Variants in HMGXB3 observed in about 807,000 individuals in gnomAD.
HMGXB3 encodes HMG domain-containing protein 3.
A neutral mutation model predicts 121.5 loss-of-function variants in HMGXB3; 45 were observed. The ratio of observed to expected loss-of-function variants is 0.37; its 90% CI spans 0.29 to 0.47. The LOEUF (loss-of-function observed/expected upper bound fraction) is 0.47. Among genes scored for constraint, HMGXB3 ranks in the 20% least tolerant of loss-of-function variants. The probability of loss-of-function intolerance (pLI) is 0.99; values close to 1 mark genes in which losing one functional copy is unlikely to be tolerated. For missense variants in HMGXB3, 1,376 were observed against 1,602.2 expected, an observed-to-expected ratio of 0.86 and a Z score of 2.41; for synonymous variants, 590 against 624.1, an observed-to-expected ratio of 0.95 and a Z score of 0.81.
At position 150,052,220 on chromosome 5, in the gene HMGXB3, A is replaced by G. The variant is rs1244518373; in HGVS notation, c.*28A>G. 4.7e-6 allele frequency: 7 copies of G among 1,486,586 alleles called. No homozygotes were observed. Among genetic ancestry groups the G allele is most frequent in the Middle Eastern group, 2.1e-4 (1 of 4,742 alleles). 92.1% of individuals were successfully genotyped at this position (1,486,586 alleles called of 1,614,324 possible). A position where few individuals can be genotyped will look rare whatever the true frequency, so the allele number is the denominator to read the frequency against. On this transcript the variant is annotated 3_prime_UTR_variant, in exon 20 of 20. Coordinates refer to ENST00000502717, the MANE Select transcript of HMGXB3 (RefSeq NM_014983.3). Reference sequence around the variant, plus strand: ...CAGGCTGTTGTACAGGGACTACACCATCTCTCAAGCCATAGTAAGGCCCTT... The same window carrying G: ...CAGGCTGTTGTACAGGGACTACACCGTCTCTCAAGCCATAGTAAGGCCCTT...
Position 150,048,702 on chromosome 5 carries a change from G to C in HMGXB3, c.3201+17G>C, listed in dbSNP as rs1231125482. ...CCCCATCAGGTAAGAAAATAACTAG[G>C]GGGAGCTTGGAGTGAATTTGCTAAT... On this transcript the variant is annotated intron_variant, in intron 18 of 19. Transcript: ENST00000502717. 1 of 1,488,690 alleles carries C rather than the reference G, an allele frequency of 6.7e-7. No homozygotes were observed. Among genetic ancestry groups the C allele is most frequent in the Non-Finnish European group, 9.2e-7 (1 of 1,089,664 alleles). The allele number at this position is 1,488,690 out of a possible 1,614,324, so 92.2% of individuals were successfully genotyped here. A position where few individuals can be genotyped will look rare whatever the true frequency, so the allele number is the denominator to read the frequency against.
In HMGXB3 at chr5:150,052,357, G is replaced by C; in HGVS notation, c.*165G>C. 1.6e-6 allele frequency: 1 copy of C among 629,220 alleles called. No homozygotes were observed. The highest frequency in any genetic ancestry group is 2.8e-5 in the East Asian group (1 of 36,356). The allele number at this position is 629,220 out of a possible 1,614,324, so 39.0% of individuals were successfully genotyped here. A position where few individuals can be genotyped will look rare whatever the true frequency, so the allele number is the denominator to read the frequency against. On this transcript the variant is annotated 3_prime_UTR_variant, in exon 20 of 20. Coordinates refer to ENST00000502717, the MANE Select transcript of HMGXB3 (RefSeq NM_014983.3). The stretch of plus-strand genomic sequence containing the variant: ...CATTCCCTGAGCATGGTGGGACCCA[G>C]GGTCCTCAGTTCTCAACCCTCCAGG...
intron 1 of HMGXB3, 87 bp from the exon 2 acceptor site, chr5:150,004,764 C>A: frequency 3.5e-6 from 3 of 865,156 alleles, no homozygotes; most frequent in Non-Finnish European, 5.3e-6. Flanking sequence ...AAGGCACTGG[C>A]AGAGGTAAGG....
At chr5:150,023,999 G>A in intron 6 of HMGXB3, among the ~76,000 whole-genome samples, 1 of 152,300 alleles carries the variant, frequency 6.6e-6, no homozygotes, top group South Asian at 2.1e-4. Flanking sequence ...GATGAAACCT[G>A]GAGAAGCTTT....
chr5:150,012,297 A>C lies in HMGXB3; in HGVS notation c.853A>C (p.Ile285Leu). 6.4e-7 allele frequency: 1 copy of C among 1,552,318 alleles called. No individual in the cohort carries two copies. Among genetic ancestry groups the C allele is most frequent in the South Asian group, 1.2e-5 (1 of 84,056 alleles). ...SSSSAPATQF[I>L]MLPLPAYSVV... ...CTCCTCTGCACCAGCCACACAGTTC[A>C]TCATGTTGCCTCTGCCTGCCTACTC... The change falls in exon 5 of 20, where the codon ATC becomes CTC. Residue 285 changes from isoleucine to leucine, a missense_variant. Coordinates refer to ENST00000502717, the MANE Select transcript of HMGXB3 (RefSeq NM_014983.3).
chr5:150,020,479 A>G (rs1756063581), intron 6 of HMGXB3, among the ~76,000 whole-genome samples: 1 of 152,232 alleles, frequency 6.6e-6, no homozygotes, highest in Non-Finnish European at 1.5e-5. Flanking sequence ...ACTGTCAGTG[A>G]TCACTGTGGG....
chr5:150,023,033 T>C (rs1756139634), intron 6 of HMGXB3, among the ~76,000 whole-genome samples: 1 of 145,628 alleles, frequency 6.9e-6, no homozygotes. Context: ...CTTGCCATGT[T>C]TCCCAAACTG....
At chr5:150,031,826 T>C (rs1756388653) in intron 10 of HMGXB3, among the ~76,000 whole-genome samples, 1 of 152,184 alleles carries the variant, frequency 6.6e-6, no homozygotes. Flanking sequence ...GATGGGTTAA[T>C]GTCTGGCCTG....
chr5:150,045,591 G>A lies in HMGXB3; in HGVS notation c.2856G>A (p.Ala952=), dbSNP rs146039087. ...PASIPITKFD[A]SVIAPFFPPL... is the part of the protein sequence containing the mutation. The stretch of plus-strand genomic sequence containing the variant: ...GCATCCCTATCACCAAATTTGATGC[G>A]TCTGTTATTGCCCCCTTCTTCCCAC... The change falls in exon 16 of 20, where the codon GCG becomes GCA. Residue 952 remains alanine, a synonymous_variant. Coordinates refer to ENST00000502717, the MANE Select transcript of HMGXB3 (RefSeq NM_014983.3). The A allele has an allele frequency of 6.7e-4, 1,044 of 1,551,940 alleles. 3 individuals carry two copies. Among genetic ancestry groups the A allele is most frequent in the Non-Finnish European group, 8.6e-4 (990 of 1,147,052 alleles).
intron 18 of HMGXB3, among the ~76,000 whole-genome samples, chr5:150,049,217 C>T (rs1356047441): frequency 3.3e-5 from 5 of 152,124 alleles, no homozygotes; most frequent in African/African-American, 4.8e-5. Context: ...AGGGCTCCCC[C>T]GGGGGGCCAG....
chr5:150,037,587 A>G (rs935726217), intron 13 of HMGXB3, 60 bp downstream of exon 13: 26 of 1,407,008 alleles, frequency 1.8e-5, no homozygotes, highest in African/African-American at 4.4e-5. Context: ...AACTGCCTCT[A>G]TGGATGAGAC....
At position 150,045,617 on chromosome 5, in the gene HMGXB3, CACTCATG is replaced by C. The variant is rs1400274263; in HGVS notation, c.2884_2890del (p.Leu962GlufsTer27). ...TCTGTTATTGCCCCCTTCTTCCCAC[CACTCATG>C]AGAGGAGCTGTGGTCGTCAACACTG... On this transcript the variant is annotated frameshift_variant, in exon 16 of 20. Transcript: ENST00000502717. LOFTEE classifies it high-confidence loss of function. 3 of 1,551,686 alleles carry C rather than the reference CACTCATG, an allele frequency of 1.9e-6. No homozygotes were observed. The highest frequency in any genetic ancestry group is 2.6e-6 in the Non-Finnish European group (3 of 1,147,046).
intron 5 of HMGXB3, among the ~76,000 whole-genome samples, chr5:150,013,342 A>G (rs1203358454): frequency 6.6e-6 from 1 of 152,182 alleles, no homozygotes; most frequent in Non-Finnish European, 1.5e-5. Flanking sequence ...AGAGTATTAT[A>G]AGAATTTTCC....
chr5:150,048,982 G>A (rs566265866), intron 18 of HMGXB3, among the ~76,000 whole-genome samples: 58 of 152,308 alleles, frequency 3.8e-4, no homozygotes, highest in Admixed American at 2.0e-3. Flanking sequence ...ATTTTAGTGG[G>A]GAAATAAAGT....
At chr5:150,045,316 TC>T in intron 15 of HMGXB3, 149 bp from the exon 16 acceptor site, 2 of 663,172 alleles carry the variant, frequency 3.0e-6, no homozygotes. Context: ...TACAGAGCTG[TC>T]AAATTCAAGG....
At chr5:150,047,410 A>G (rs1368873912) in intron 16 of HMGXB3, 4 of 559,356 alleles carry the variant, frequency 7.2e-6, no homozygotes, top group Non-Finnish European at 1.3e-5. Flanking sequence ...GGTATGCAGG[A>G]TATCTCACTC....
At chr5:150,013,446 TC>T (rs1755889260) in intron 5 of HMGXB3, among the ~76,000 whole-genome samples, 1 of 152,206 alleles carries the variant, frequency 6.6e-6, no homozygotes, top group African/African-American at 2.4e-5. Context: ...TGATGTAGTA[TC>T]CCTCTCATAG....
Position 150,024,419 on chromosome 5 carries a change from T to G in HMGXB3, c.1199T>G (p.Leu400Arg). Residue 400 changes from leucine to arginine, a missense_variant, in exon 7 of 20, where the codon CTC (leucine) becomes CGC (arginine). Physicochemically the swap from Leu to Arg is moderately radical, Grantham distance 102 (BLOSUM62 -2). Transcript: ENST00000502717. The stretch of plus-strand genomic sequence containing the variant: ...GAGAATTCGGAAGCTGTAAGCCAGC[T>G]CCTGAACGTAGCTCCTCCCAGAGAA... The part of the protein sequence containing the change: ...TLENSEAVSQ[L>R]LNVAPPREVG... 6.4e-7 allele frequency: 1 copy of G among 1,551,710 alleles called. No homozygotes were observed. Among genetic ancestry groups the G allele is most frequent in the Non-Finnish European group, 8.7e-7 (1 of 1,146,992 alleles).
chr5:150,012,198 T>G, intron 4 of HMGXB3, 57 bp from the exon 5 acceptor site: 1 of 1,228,602 alleles, frequency 8.1e-7, no homozygotes. Context: ...TTGAGTGGCC[T>G]GGGTGTTCTT....
Sources: gnomAD v4.1 joint callset for allele counts (sites outside exome capture counted in the v4.1 genomes callset) on GRCh38, gnomAD v4.1.1 for gene constraint, MANE v1.5 for transcripts, NCBI Gene and HGNC (gene_info 2026-07-23, HGNC 2026-07-21) for gene names.